PAH: variants seen among roughly 807,000 people sequenced by gnomAD.
The protein encoded by PAH is phenylalanine-4-hydroxylase.
Under a neutral mutation model 62.0 loss-of-function variants are expected in PAH, and 64 were observed. That is an observed-to-expected ratio of 1.03 (90% CI 0.84 to 1.27). PAH has a LOEUF of 1.27. PAH is among the 50% of genes most tolerant of loss of function. The pLI is 0.00. For synonymous variants in PAH, 195 were observed against 196.2 expected, an observed-to-expected ratio of 0.99 and a Z score of 0.05; for missense variants, 579 against 542.8, an observed-to-expected ratio of 1.07 and a Z score of -0.66.
At chr12:102,929,826 C>A (rs917476667) in intron 1 of PAH, among the ~76,000 whole-genome samples, 1 of 152,082 alleles carries the variant, frequency 6.6e-6, no homozygotes, top group African/African-American at 2.4e-5. Context: ...GCATGAGAAA[C>A]AGGTCAAAGA....
At chr12:102,885,357 A>G (rs999264968) in intron 3 of PAH, among the ~76,000 whole-genome samples, 4 of 152,200 alleles carry the variant, frequency 2.6e-5, no homozygotes, top group African/African-American at 9.7e-5. Context: ...TTGAAAAGTT[A>G]AATCAGATTA....
chr12:102,955,916 T>C (rs1403691264), intron 1 of PAH, among the ~76,000 whole-genome samples: 1 of 152,150 alleles, frequency 6.6e-6, no homozygotes, highest in African/African-American at 2.4e-5. Context: ...TTTGGTCCTA[T>C]ACCTCTGAAG....
Position 102,884,535 on chromosome 12 carries a change from C to T in PAH, c.353-6985G>A, listed in dbSNP as rs145222794. On this transcript the variant is annotated intron_variant, in intron 3 of 12. Coordinates refer to ENST00000553106, the MANE Select transcript of PAH (RefSeq NM_000277.3). ...GTCTGAGCAAACTACTTAATTCCTG[C>T]GTCTCTGGCTTTGCATCTGTGAAAT... 5.3e-5 allele frequency among the ~76,000 whole-genome samples: 8 copies of T among 152,232 alleles called. No individual in the cohort carries two copies. In the East Asian group the frequency reaches 1.2e-3, roughly 22 times the overall value.
At chr12:102,910,892 G>A (rs1442232575) in intron 2 of PAH, among the ~76,000 whole-genome samples, 3 of 152,218 alleles carry the variant, frequency 2.0e-5, no homozygotes, top group African/African-American at 7.2e-5. Context: ...TTTGCCCAGA[G>A]TCATGACCAG....
chr12:102,947,524 A>T (rs1179755369), intron 1 of PAH, among the ~76,000 whole-genome samples: 1 of 152,184 alleles, frequency 6.6e-6, no homozygotes. Context: ...AGGGCAGCAT[A>T]TGTCATCAAG....
At chr12:102,855,884 T>C (rs1346553274) in intron 5 of PAH, among the ~76,000 whole-genome samples, 2 of 152,158 alleles carry the variant, frequency 1.3e-5, no homozygotes, top group African/African-American at 2.4e-5. Flanking sequence ...CATGCACTTA[T>C]TGGGTTTGAT....
At chr12:102,893,075 T>C (rs573692147) in intron 3 of PAH, among the ~76,000 whole-genome samples, 1 of 152,272 alleles carries the variant, frequency 6.6e-6, no homozygotes, top group African/African-American at 2.4e-5. Context: ...TTCTGTGCAG[T>C]TTTTCTGTAA....
At chr12:102,871,940 AAAAAAAAAAATATATAT>A (rs1876350144) in intron 4 of PAH, among the ~76,000 whole-genome samples, 4 of 7,272 alleles carry the variant, frequency 5.5e-4, no homozygotes, top group African/African-American at 1.2e-3. Flanking sequence ...AAAAAAAAAA[AAAAAAAAAAATATATAT>A]ATATATATAT....
chr12:102,900,895 G>C (rs1009268125), intron 2 of PAH, among the ~76,000 whole-genome samples: 5 of 152,136 alleles, frequency 3.3e-5, no homozygotes, highest in African/African-American at 7.2e-5. Flanking sequence ...TGGGCATCTC[G>C]GGGAAGGCAA....
At chr12:102,923,732 T>A (rs1565877294) in intron 1 of PAH, 1 of 152,240 alleles carries the variant, frequency 6.6e-6, no homozygotes, top group Non-Finnish European at 1.5e-5. Flanking sequence ...TCTGATTATT[T>A]CTCTAATGGG....
At chr12:102,919,010 C>T (rs1878488648), upstream of PAH, among the ~76,000 whole-genome samples, 1 of 152,164 alleles carries the variant, frequency 6.6e-6, no homozygotes, top group Admixed American at 6.5e-5. Context: ...TGCATGCACA[C>T]TCTGTCTTAG....
At chr12:102,862,609 C>G (rs1035985375) in intron 5 of PAH, among the ~76,000 whole-genome samples, 1 of 152,152 alleles carries the variant, frequency 6.6e-6, no homozygotes, top group Non-Finnish European at 1.5e-5. Flanking sequence ...TGGGAATGAA[C>G]TGTGTTCGGA....
chr12:102,933,590 A>G (rs1375357088), intron 1 of PAH, among the ~76,000 whole-genome samples: 1 of 152,098 alleles, frequency 6.6e-6, no homozygotes, highest in African/African-American at 2.4e-5. Flanking sequence ...CATTCTCACC[A>G]ACAGCATACA....
chr12:102,843,556 G>C lies in PAH; in HGVS notation c.1199+90C>G, dbSNP rs1442070049. The C allele has an allele frequency of 4.7e-6, 6 of 1,273,006 alleles. No individual in the cohort carries two copies. The African/African-American group carries it at 5.9e-5, about 12-fold the overall frequency. The allele number at this position is 1,273,006 out of a possible 1,614,324, so 78.9% of individuals were successfully genotyped here. On this transcript the variant is annotated intron_variant, in intron 11 of 12. Coordinates refer to ENST00000553106, the MANE Select transcript of PAH (RefSeq NM_000277.3). ...TGGTACAAAGTTGCTGTAGACATTG[G>C]AGTCCACTCTCCTGGCCAACCACCC... is the stretch of plus-strand genomic sequence containing the variant.
At chr12:102,888,659 C>T (rs1360798985) in intron 3 of PAH, among the ~76,000 whole-genome samples, 3 of 151,510 alleles carry the variant, frequency 2.0e-5, no homozygotes, top group African/African-American at 7.3e-5. Context: ...GACTCTGCTT[C>T]CCACTCCTGG....
chr12:102,848,842 C>T (rs113096139), intron 8 of PAH, among the ~76,000 whole-genome samples: 4,066 of 120,458 alleles, frequency 0.034, 175 homozygotes, highest in African/African-American at 0.13. Flanking sequence ...ACCAGGGCAC[C>T]GAAAGGCTGA....
intron 1 of PAH, among the ~76,000 whole-genome samples, chr12:102,943,009 G>A (rs1406905161): frequency 4.6e-5 from 7 of 151,830 alleles, no homozygotes; most frequent in East Asian, 3.8e-4. Context: ...GGACATCAGC[G>A]CTACAAAAAT....
In PAH at chr12:102,896,162, T is replaced by C. The variant is rs567500881; in HGVS notation, c.169-1244A>G. Among the ~76,000 whole-genome samples, 5 of 152,202 alleles carry C rather than the reference T, an allele frequency of 3.3e-5. No individual in the cohort carries two copies. The South Asian group carries it at 1.0e-3, about 32-fold the overall frequency. On this transcript the variant is annotated intron_variant, in intron 2 of 12. Coordinates refer to ENST00000553106, the MANE Select transcript of PAH (RefSeq NM_000277.3). Reference sequence around the variant, plus strand: ...TTCCTGAGACAGGGTGAGGGCAGATTGCAGGACTAAATAGGGCAGGCACAT... The same window carrying C: ...TTCCTGAGACAGGGTGAGGGCAGATCGCAGGACTAAATAGGGCAGGCACAT...
At chr12:102,881,385 A>G (rs981234878) in intron 3 of PAH, among the ~76,000 whole-genome samples, 1 of 152,058 alleles carries the variant, frequency 6.6e-6, no homozygotes, top group African/African-American at 2.4e-5. Context: ...TATTTAATAA[A>G]TGCATACATC....
Sources: allele counts gnomAD v4.1 joint callset (sites outside exome capture counted in the v4.1 genomes callset), GRCh38; gene constraint gnomAD v4.1.1; transcripts MANE v1.5; gene names NCBI Gene and HGNC (gene_info 2026-07-23, HGNC 2026-07-21).